ARMH4: variants seen among roughly 807,000 people sequenced by gnomAD.
The protein encoded by ARMH4 is armadillo-like helical domain-containing protein 4.
In ARMH4, 49 loss-of-function variants were observed where a neutral mutation model predicts 61.9. The observed-to-expected ratio is 0.79, with a 90% CI of 0.63 to 1.00. The LOEUF (loss-of-function observed/expected upper bound fraction) is 1.00. ARMH4 is among the 50% of genes least tolerant of loss of function. ARMH4 has a pLI of 0.00. For synonymous variants in ARMH4, 368 were observed against 341.5 expected (o/e 1.08, Z -0.85); for missense variants, 934 against 930.0 (o/e 1.00, Z -0.06).
intron 6 of ARMH4, among the ~76,000 whole-genome samples, chr14:58,008,867 GAAGA>G (rs1291065785): frequency 2.0e-5 from 3 of 152,214 alleles, no homozygotes; most frequent in Non-Finnish European, 4.4e-5. Context: ...CCTAAAGCTA[GAAGA>G]AATAGATTGG....
At chr14:58,111,661 T>C (rs1326237327) in intron 4 of ARMH4, among the ~76,000 whole-genome samples, 1 of 151,664 alleles carries the variant, frequency 6.6e-6, no homozygotes, top group African/African-American at 2.4e-5. Flanking sequence ...GAGACTCTAG[T>C]GTCTCTTGTT....
intron 5 of ARMH4, among the ~76,000 whole-genome samples, chr14:58,081,613 G>C (rs974799591): frequency 6.6e-5 from 10 of 151,400 alleles, no homozygotes; most frequent in African/African-American, 2.4e-4. Flanking sequence ...CCATTCTCCT[G>C]CCTCAGCCTC....
chr14:58,125,424 T>G (rs1323798054), intron 4 of ARMH4, among the ~76,000 whole-genome samples: 4 of 152,194 alleles, frequency 2.6e-5, no homozygotes, highest in African/African-American at 9.7e-5. Context: ...GCCAAATTAT[T>G]ATTTACTGGA....
In ARMH4 at chr14:58,076,919, C is replaced by T. The variant is rs552700609; in HGVS notation, c.2089+19805G>A. Among the ~76,000 whole-genome samples the T allele has an allele frequency of 3.9e-4, 60 of 152,288 alleles. No homozygotes were observed. In the South Asian group the frequency reaches 0.012, roughly 31 times the overall value. On this transcript the variant is annotated intron_variant, in intron 5 of 7. Transcript: ENST00000267485. ...GACTCGGGCCCCTCATTCCTCCCAT[C>T]GGGGCCACTAGACTTAGCTTTGTCT...
At chr14:58,061,156 C>T (rs1884518763) in intron 5 of ARMH4, among the ~76,000 whole-genome samples, 1 of 152,188 alleles carries the variant, frequency 6.6e-6, no homozygotes, top group African/African-American at 2.4e-5. Context: ...GAATCGAATC[C>T]ATCCCTCTCA....
chr14:58,116,386 T>C lies in ARMH4; in HGVS notation c.1831+15126A>G, dbSNP rs376888358. 9.5e-5 allele frequency: 36 copies of C among 377,260 alleles called. 1 individual carries two copies. In the East Asian group the frequency reaches 2.9e-3, roughly 30 times the overall value. 23.4% of individuals were successfully genotyped at this position (377,260 alleles called of 1,614,324 possible). A position where few individuals can be genotyped will look rare whatever the true frequency, so the allele number is the denominator to read the frequency against. On this transcript the variant is annotated intron_variant, in intron 4 of 7. Coordinates refer to ENST00000267485, the MANE Select transcript of ARMH4 (RefSeq NM_001001872.4). ...TCCATTTCAGGCAGCTGTTTAAATA[T>C]TTTCTTGGCTGGGTGCAGGAGTTCA...
intron 5 of ARMH4, among the ~76,000 whole-genome samples, chr14:58,057,975 G>A (rs573798894): frequency 2.0e-5 from 3 of 152,276 alleles, no homozygotes; most frequent in Non-Finnish European, 2.9e-5. Context: ...AACAACCACA[G>A]TACACACAGA....
intron 5 of ARMH4, among the ~76,000 whole-genome samples, chr14:58,089,258 G>A (rs938423172): frequency 5.9e-5 from 9 of 152,220 alleles, no homozygotes; most frequent in South Asian, 2.1e-4. Flanking sequence ...GCAATGAGGA[G>A]CTGTTTGAAA....
At chr14:58,097,874 A>T (rs1885812068) in intron 4 of ARMH4, among the ~76,000 whole-genome samples, 1 of 151,870 alleles carries the variant, frequency 6.6e-6, no homozygotes, top group Non-Finnish European at 1.5e-5. Context: ...CTTCACCACA[A>T]GCTGTCATTT....
intron 5 of ARMH4, 112 bp from the exon 6 acceptor site, chr14:58,012,262 A>T: frequency 1.7e-6 from 1 of 573,238 alleles, no homozygotes; most frequent in Non-Finnish European, 3.0e-6. Flanking sequence ...CAGTAAAAGG[A>T]TTAACAATAT....
At chr14:58,133,654 TTTG>T (rs1409836204) in intron 2 of ARMH4, among the ~76,000 whole-genome samples, 1 of 152,212 alleles carries the variant, frequency 6.6e-6, no homozygotes, top group East Asian at 1.9e-4. Flanking sequence ...ACATAATCAG[TTTG>T]TTAAGAAACA....
intron 5 of ARMH4, among the ~76,000 whole-genome samples, chr14:58,054,202 G>A (rs894359529): frequency 1.3e-5 from 2 of 152,204 alleles, no homozygotes; most frequent in Non-Finnish European, 2.9e-5. Flanking sequence ...GGCAAGGACA[G>A]TCTGTGACTC....
intron 4 of ARMH4, among the ~76,000 whole-genome samples, chr14:58,117,080 T>C (rs531628774): frequency 6.6e-6 from 1 of 152,260 alleles, no homozygotes; most frequent in African/African-American, 2.4e-5. Flanking sequence ...ACTTCTCCAG[T>C]AGCTGGGATT....
chr14:58,122,461 C>A (rs1886757553), intron 4 of ARMH4, among the ~76,000 whole-genome samples: 1 of 152,144 alleles, frequency 6.6e-6, no homozygotes, highest in Non-Finnish European at 1.5e-5. Context: ...GCCAACTAAT[C>A]TTAAAGGATA....
At chr14:58,098,247 C>A (rs905194704) in intron 4 of ARMH4, among the ~76,000 whole-genome samples, 6 of 150,610 alleles carry the variant, frequency 4.0e-5, no homozygotes, top group Non-Finnish European at 8.9e-5. Context: ...TAAAAAAAAT[C>A]ACCTTTAATC....
In ARMH4 at chr14:58,012,132, T is replaced by A; in HGVS notation, c.2108A>T (p.Lys703Ile). Residue 703 changes from lysine (K) to isoleucine (I), a missense_variant, in exon 6 of 8, where the codon AAA (lysine) becomes ATA (isoleucine). Physicochemically the swap from Lys to Ile is moderately radical, Grantham distance 102 (BLOSUM62 -3). Transcript: ENST00000267485. ...TACTTTTCTTACCTTGTCTTTTAATTTTTCCATCCAGCTTCTCACTAGGAA... is the reference window on the plus strand; with the variant it reads ...TACTTTTCTTACCTTGTCTTTTAATATTTCCATCCAGCTTCTCACTAGGAA... ...NQGLVRSWME[K>I]LKDKAGYMSG... The A allele has an allele frequency of 6.8e-7, 1 of 1,479,596 alleles. No homozygotes were observed. Among genetic ancestry groups the A allele is most frequent in the South Asian group, 1.2e-5 (1 of 81,466 alleles). 91.7% of individuals were successfully genotyped at this position (1,479,596 alleles called of 1,614,324 possible).
At chr14:58,037,879 A>G (rs1178672066) in intron 5 of ARMH4, among the ~76,000 whole-genome samples, 1 of 28,572 alleles carries the variant, frequency 3.5e-5, no homozygotes, top group African/African-American at 1.3e-4. Flanking sequence ...TTAGAATGGC[A>G]ATCATTAAAA....
chr14:58,086,631 G>C (rs1442441883), intron 5 of ARMH4, among the ~76,000 whole-genome samples: 1 of 152,070 alleles, frequency 6.6e-6, no homozygotes, highest in Admixed American at 6.6e-5. Flanking sequence ...AACTGTGCTT[G>C]AAAATTTCAG....
intron 6 of ARMH4, among the ~76,000 whole-genome samples, chr14:58,006,087 T>A (rs1349301278): frequency 3.9e-5 from 6 of 152,144 alleles, no homozygotes; most frequent in Admixed American, 3.3e-4. Flanking sequence ...ATCCCTGGAC[T>A]TGAGTAAGTA....
Sources: gnomAD v4.1 joint callset for allele counts (sites outside exome capture counted in the v4.1 genomes callset) on GRCh38, gnomAD v4.1.1 for gene constraint, MANE v1.5 for transcripts, NCBI Gene and HGNC (gene_info 2026-07-23, HGNC 2026-07-21) for gene names.